Variants in FARP1 observed in about 807,000 individuals in gnomAD.
FARP1 encodes FERM, ARHGEF and pleckstrin domain-containing protein 1.
In FARP1, 52 loss-of-function variants were observed where a neutral mutation model predicts 128.8. That is an observed-to-expected ratio of 0.40 (90% CI 0.32 to 0.51). FARP1 has a LOEUF of 0.51. Among genes scored for constraint, FARP1 ranks in the 20% least tolerant of loss-of-function variants. The pLI is 0.45. For missense variants in FARP1, 1,333 were observed against 1,367.9 expected (o/e 0.97, Z 0.40); for synonymous variants, 580 against 551.8 (o/e 1.05, Z -0.72).
At chr13:98,244,987 A>G in intron 2 of FARP1, 1 of 1,184,398 alleles carries the variant, frequency 8.4e-7, no homozygotes, top group African/African-American at 1.6e-5. Context: ...GTTGTTTGCC[A>G]CTAGGGGAAG....
intron 2 of FARP1, among the ~76,000 whole-genome samples, chr13:98,297,676 C>T (rs534405870): frequency 9.8e-4 from 149 of 152,236 alleles, no homozygotes; most frequent in African/African-American, 3.5e-3. Context: ...TGTTTATGAA[C>T]GGGCTGACAT....
At chr13:98,446,351 C>T (rs529258370) in intron 25 of FARP1, 146 bp downstream of exon 25, 15 of 619,396 alleles carry the variant, frequency 2.4e-5, no homozygotes, top group South Asian at 1.9e-4. Flanking sequence ...GGGCCCTGTC[C>T]ACCCGAGGCC....
intron 1 of FARP1, chr13:98,175,826 C>T (rs1160563700): frequency 3.6e-6 from 1 of 277,026 alleles, no homozygotes; most frequent in Admixed American, 4.7e-5. Context: ...GTGTCGTCTT[C>T]AAGGTTCATT....
chr13:98,216,035 C>T (rs549419908), intron 2 of FARP1, among the ~76,000 whole-genome samples: 2 of 152,246 alleles, frequency 1.3e-5, no homozygotes, highest in South Asian at 4.1e-4. Context: ...GTGATCCGTC[C>T]GCCTTGGCCT....
intron 24 of FARP1, chr13:98,445,131 C>G (rs1035722787): frequency 6.6e-6 from 1 of 152,268 alleles, no homozygotes; most frequent in Non-Finnish European, 1.5e-5. Context: ...GATCCCAGCT[C>G]CCAGCACAGA....
intron 5 of FARP1, among the ~76,000 whole-genome samples, chr13:98,372,438 T>C (rs149628221): frequency 0.021 from 3,258 of 152,192 alleles, 51 homozygotes; most frequent in Non-Finnish European, 0.037. Context: ...CCTTGTGCCA[T>C]GTTTAGCCAC....
intron 1 of FARP1, among the ~76,000 whole-genome samples, chr13:98,196,507 C>T (rs1879576692): frequency 2.6e-5 from 3 of 117,126 alleles, no homozygotes; most frequent in Admixed American, 9.3e-5. Flanking sequence ...GAAAGTGCTA[C>T]ATAAGTGCTG....
chr13:98,301,574 C>T (rs1322647923), intron 2 of FARP1, among the ~76,000 whole-genome samples: 6 of 152,146 alleles, frequency 3.9e-5, no homozygotes. Flanking sequence ...TTCTACATTC[C>T]TGGGACTTGG....
chr13:98,244,449 C>T lies in FARP1; in HGVS notation c.171+31036C>T, dbSNP rs371319556. 94 of 1,554,786 alleles carry T rather than the reference C, an allele frequency of 6.0e-5. No homozygotes were observed. The East Asian group carries it at 7.9e-4, about 13-fold the overall frequency. ...TTTTTTAAAAAACAACAACAAAAAG[C>T]GCCTTTTCAAGGGAGTAGCATTTGC... On this transcript the variant is annotated intron_variant, in intron 2 of 26. Transcript: ENST00000319562.
chr13:98,372,794 C>T (rs1284797299), intron 5 of FARP1, among the ~76,000 whole-genome samples: 1 of 152,200 alleles, frequency 6.6e-6, no homozygotes, highest in Non-Finnish European at 1.5e-5. Context: ...ACTCTCCTCA[C>T]GTCCACTCTT....
intron 2 of FARP1, among the ~76,000 whole-genome samples, chr13:98,312,298 G>A (rs1221626283): frequency 4.0e-5 from 6 of 151,714 alleles, no homozygotes; most frequent in African/African-American, 9.7e-5. Context: ...CCGCTACCAC[G>A]CCTGGCTAAT....
intron 2 of FARP1, among the ~76,000 whole-genome samples, chr13:98,315,778 T>A (rs557761580): frequency 1.5e-4 from 23 of 152,322 alleles, no homozygotes; most frequent in African/African-American, 5.5e-4. Context: ...TCACTGGTGG[T>A]TTTCTGAGTC....
chr13:98,365,295 A>C, intron 3 of FARP1, 100 bp from the exon 4 acceptor site: 1 of 910,726 alleles, frequency 1.1e-6, no homozygotes, highest in South Asian at 1.6e-5. Context: ...TCATATCCTC[A>C]AAAATATTTT....
Position 98,176,129 on chromosome 13 carries a change from T to C in FARP1, c.-24+32637T>C. Reference sequence around the variant, plus strand: ...TCTCTCATCTTACTCAACAGGCTGCTTCTCCCCAGTGTACATACAGACTTG... The same window carrying C: ...TCTCTCATCTTACTCAACAGGCTGCCTCTCCCCAGTGTACATACAGACTTG... On this transcript the variant is annotated intron_variant, in intron 1 of 26. Transcript: ENST00000319562. The surrounding 1 kb of genome is among the most constrained non-coding windows in gnomAD (Gnocchi z 6.2). 1 of 1,584,844 alleles carries C rather than the reference T, an allele frequency of 6.3e-7. No homozygotes were observed.
chr13:98,375,738 T>C (rs375526232), intron 5 of FARP1, among the ~76,000 whole-genome samples: 1 of 152,206 alleles, frequency 6.6e-6, no homozygotes, highest in African/African-American at 2.4e-5. Context: ...AAGTGATTCT[T>C]CTGCCTCAGC....
At chr13:98,324,829 A>T (rs1222214894) in intron 2 of FARP1, among the ~76,000 whole-genome samples, 1 of 152,136 alleles carries the variant, frequency 6.6e-6, no homozygotes, top group Non-Finnish European at 1.5e-5. Context: ...TGGCTGCTGC[A>T]TTTCTGACTT....
chr13:98,342,914 C>A (rs1169295459), intron 2 of FARP1, among the ~76,000 whole-genome samples: 2 of 151,906 alleles, frequency 1.3e-5, no homozygotes, highest in African/African-American at 4.8e-5. Context: ...ATCCCAGCTA[C>A]TCCAGTGGCT....
chr13:98,376,791 G>A (rs1769365313), intron 5 of FARP1, among the ~76,000 whole-genome samples: 2 of 128,606 alleles, frequency 1.6e-5, no homozygotes, highest in Non-Finnish European at 3.2e-5. Flanking sequence ...CCACATCCAA[G>A]CATTTGTTAC....
At chr13:98,277,810 T>C (rs1165506799) in intron 2 of FARP1, among the ~76,000 whole-genome samples, 1 of 152,228 alleles carries the variant, frequency 6.6e-6, no homozygotes, top group Non-Finnish European at 1.5e-5. Flanking sequence ...TCTAGAAATC[T>C]CTTGGAAAAC....
Sources: allele counts gnomAD v4.1 joint callset (sites outside exome capture counted in the v4.1 genomes callset), GRCh38; gene constraint gnomAD v4.1.1; non-coding constraint Gnocchi (gnomAD v3.1); transcripts MANE v1.5; gene names NCBI Gene and HGNC (gene_info 2026-07-23, HGNC 2026-07-21).